RXFP2: variants seen among roughly 807,000 people sequenced by gnomAD.
The protein encoded by RXFP2 is relaxin family peptide receptor 2, also known as relaxin receptor 2.
RXFP2 carries 68 observed loss-of-function variants against 88.6 expected under a neutral mutation model. The observed-to-expected ratio is 0.77, with a 90% CI of 0.63 to 0.94. The LOEUF (loss-of-function observed/expected upper bound fraction) is 0.94. RXFP2 is among the 40% of genes least tolerant of loss of function. RXFP2 has a pLI of 0.00. For synonymous variants in RXFP2, 329 were observed against 306.8 expected (o/e 1.07, Z -0.76); for missense variants, 791 against 893.9 (o/e 0.88, Z 1.47).
In RXFP2 at chr13:31,782,697, T is replaced by C; in HGVS notation, c.879T>C (p.Ile293=). Residue 293 remains isoleucine, a synonymous_variant, in exon 11 of 18, where the codon ATT becomes ATC. Transcript: ENST00000298386. The stretch of plus-strand genomic sequence containing the variant: ...ACAGGTTTCTGCCTAGAAATCAAAT[T>C]GGTTTTGTTCCAGAGAAGACATTTT... The part of the protein sequence containing the change: ...LTVLFLPRNQ[I]GFVPEKTFSS... 1 of 1,612,240 alleles carries C rather than the reference T, an allele frequency of 6.2e-7. No individual in the cohort carries two copies. Among genetic ancestry groups the C allele is most frequent in the East Asian group, 2.2e-5 (1 of 44,866 alleles).
chr13:31,761,303 G>A (rs576374867), intron 2 of RXFP2, among the ~76,000 whole-genome samples: 15 of 152,178 alleles, frequency 9.9e-5, no homozygotes, highest in South Asian at 8.3e-4. Context: ...AAAGTCAGAT[G>A]ACATAAATGT....
chr13:31,739,830 C>T, intron 1 of RXFP2, 124 bp downstream of exon 1: 3 of 718,088 alleles, frequency 4.2e-6, no homozygotes, highest in Middle Eastern at 3.6e-4. Flanking sequence ...ATCAAATTTG[C>T]CTGGTATTTG....
At chr13:31,791,415 T>C (rs1269851223) in intron 14 of RXFP2, among the ~76,000 whole-genome samples, 1 of 152,152 alleles carries the variant, frequency 6.6e-6, no homozygotes, top group Admixed American at 6.5e-5. Flanking sequence ...TGAGCGACAA[T>C]AGGCTTTTCC....
chr13:31,779,607 C>A (rs1402101378), intron 9 of RXFP2, among the ~76,000 whole-genome samples: 1 of 152,164 alleles, frequency 6.6e-6, no homozygotes, highest in Admixed American at 6.5e-5. Context: ...CCCACCATTC[C>A]CTGCCACATA....
chr13:31,767,136 G>A (rs538073027), intron 5 of RXFP2, among the ~76,000 whole-genome samples: 1 of 152,248 alleles, frequency 6.6e-6, no homozygotes, highest in South Asian at 2.1e-4. Context: ...CACACATTTG[G>A]TTTGAAATAC....
intron 16 of RXFP2, among the ~76,000 whole-genome samples, chr13:31,796,984 G>T (rs1226159827): frequency 3.3e-5 from 5 of 152,188 alleles, no homozygotes; most frequent in Admixed American, 2.0e-4. Flanking sequence ...TTCAGACTAT[G>T]TGTATAAGGT....
intron 16 of RXFP2, among the ~76,000 whole-genome samples, chr13:31,795,924 T>C (rs1198634952): frequency 6.6e-6 from 1 of 152,032 alleles, no homozygotes; most frequent in East Asian, 1.9e-4. Context: ...ATTTTTAACT[T>C]TTTTCTTTTT....
At chr13:31,742,814 T>G (rs1871269512) in intron 1 of RXFP2, among the ~76,000 whole-genome samples, 2 of 152,180 alleles carry the variant, frequency 1.3e-5, no homozygotes, top group South Asian at 2.1e-4. Context: ...AAGAATGATT[T>G]TGTATAAATA....
chr13:31,771,816 G>A (rs1233794497), intron 5 of RXFP2, among the ~76,000 whole-genome samples: 2 of 150,748 alleles, frequency 1.3e-5, no homozygotes, highest in Non-Finnish European at 1.5e-5. Flanking sequence ...AAGAAAGAAA[G>A]AAAAAAGAAA....
In RXFP2 at chr13:31,802,637, T is replaced by A; in HGVS notation, c.*232T>A. On this transcript the variant is annotated 3_prime_UTR_variant, in exon 18 of 18. Transcript: ENST00000298386. ...TCACCCCACATGCCTGAAAAGCACA[T>A]GTGAATTCGTGTATAGTGGGCTGAG... 1 of 533,664 alleles carries A rather than the reference T, an allele frequency of 1.9e-6. No homozygotes were observed. Among genetic ancestry groups the A allele is most frequent in the East Asian group, 3.4e-5 (1 of 29,822 alleles). 33.1% of individuals were successfully genotyped at this position (533,664 alleles called of 1,614,324 possible).
intron 5 of RXFP2, 83 bp from the exon 6 acceptor site, chr13:31,774,537 T>G: frequency 1.3e-6 from 1 of 798,002 alleles, no homozygotes; most frequent in South Asian, 1.4e-5. Context: ...TGTCTTCAGG[T>G]AAAGAAAGTG....
intron 1 of RXFP2, among the ~76,000 whole-genome samples, chr13:31,756,824 T>A (rs1871975807): frequency 6.6e-6 from 1 of 152,140 alleles, no homozygotes; most frequent in Admixed American, 6.5e-5. Flanking sequence ...TTTCACCATG[T>A]TGGCCAGGCT....
At chr13:31,787,942 G>A (rs747713430) in intron 13 of RXFP2, among the ~76,000 whole-genome samples, 7 of 152,138 alleles carry the variant, frequency 4.6e-5, no homozygotes, top group Non-Finnish European at 8.8e-5. Flanking sequence ...TGCCTGCCCA[G>A]TCTTTCTTTT....
intron 10 of RXFP2, 44 bp downstream of exon 10, chr13:31,781,786 T>C (rs1873295238): frequency 6.8e-7 from 1 of 1,471,878 alleles, no homozygotes; most frequent in African/African-American, 1.4e-5. Context: ...AAACCCTATA[T>C]ATTTGGAAGT....
intron 13 of RXFP2, among the ~76,000 whole-genome samples, chr13:31,787,552 T>A (rs540360501): frequency 3.3e-5 from 5 of 152,250 alleles, no homozygotes; most frequent in Non-Finnish European, 4.4e-5. Context: ...CACTACATAA[T>A]GCCTTCCTGA....
intron 16 of RXFP2, among the ~76,000 whole-genome samples, chr13:31,795,153 CT>C (rs760482845): frequency 1.6e-3 from 231 of 143,852 alleles, no homozygotes; most frequent in Admixed American, 1.6e-3. Flanking sequence ...AGAGCATACA[CT>C]TTTTTTTTTT....
chr13:31,802,110 T>C (rs978236856), intron 17 of RXFP2, 36 bp from the exon 18 acceptor site: 1 of 1,610,134 alleles, frequency 6.2e-7, no homozygotes, highest in Admixed American at 1.7e-5. Context: ...TATTTAAAAC[T>C]TCAACTTTTT....
intron 17 of RXFP2, among the ~76,000 whole-genome samples, chr13:31,800,550 C>T (rs544077866): frequency 9.2e-5 from 14 of 152,208 alleles, no homozygotes; most frequent in African/African-American, 1.4e-4. Flanking sequence ...CCAGCCTGGG[C>T]GACAGAGTGA....
At chr13:31,798,550 C>G (rs1874167344) in intron 17 of RXFP2, among the ~76,000 whole-genome samples, 1 of 152,178 alleles carries the variant, frequency 6.6e-6, no homozygotes, top group Non-Finnish European at 1.5e-5. Flanking sequence ...ACTTGATGAA[C>G]AGCCTCCAAT....
Sources: allele counts gnomAD v4.1 joint callset (sites outside exome capture counted in the v4.1 genomes callset), GRCh38; gene constraint gnomAD v4.1.1; transcripts MANE v1.5; gene names NCBI Gene and HGNC (gene_info 2026-07-23, HGNC 2026-07-21).